Variants in DLG2 observed in about 807,000 individuals in gnomAD.
The protein encoded by DLG2 is disks large homolog 2.
A neutral mutation model predicts 132.5 loss-of-function variants in DLG2; 45 were observed. That is an observed-to-expected ratio of 0.34 (90% CI 0.27 to 0.44). The LOEUF is 0.44. DLG2 is among the 20% of genes least tolerant of loss of function. DLG2 has a pLI of 1.00. For missense variants in DLG2, 1,045 were observed against 1,196.9 expected, an observed-to-expected ratio of 0.87 and a Z score of 1.87; for synonymous variants, 424 against 419.6, an observed-to-expected ratio of 1.01 and a Z score of -0.13.
At chr11:84,060,628 C>T (rs1390657847) in intron 10 of DLG2, among the ~76,000 whole-genome samples, 2 of 151,634 alleles carry the variant, frequency 1.3e-5, no homozygotes, top group Non-Finnish European at 2.9e-5. Flanking sequence ...TGGCCATCGA[C>T]TCCAAATATA....
At chr11:84,796,018 C>T (rs892603751) in intron 6 of DLG2, among the ~76,000 whole-genome samples, 3 of 152,176 alleles carry the variant, frequency 2.0e-5, no homozygotes, top group Admixed American at 6.5e-5. Flanking sequence ...CAACCTGGCT[C>T]AAGTGCAGCC....
chr11:84,012,302 C>G (rs2094931240), intron 11 of DLG2, among the ~76,000 whole-genome samples: 1 of 152,136 alleles, frequency 6.6e-6, no homozygotes, highest in African/African-American at 2.4e-5. Flanking sequence ...ATTTGTAAGA[C>G]AGAAGAAATA....
At chr11:84,400,042 G>T (rs764622682) in intron 7 of DLG2, among the ~76,000 whole-genome samples, 1 of 152,154 alleles carries the variant, frequency 6.6e-6, no homozygotes, top group Non-Finnish European at 1.5e-5. Context: ...TGAAAATTCT[G>T]CTGTGTTTAC....
chr11:85,489,244 C>A (rs929690372), intron 3 of DLG2, among the ~76,000 whole-genome samples: 86 of 151,882 alleles, frequency 5.7e-4, no homozygotes, highest in African/African-American at 1.9e-3. Context: ...TCCACACAAA[C>A]AAAAACCAAA....
intron 3 of DLG2, among the ~76,000 whole-genome samples, chr11:85,289,809 C>T (rs2078781679): frequency 6.6e-6 from 1 of 152,112 alleles, no homozygotes; most frequent in Non-Finnish European, 1.5e-5. Flanking sequence ...ATCCTGTATC[C>T]AAATCCCATA....
At chr11:84,428,078 T>G (rs1428038709) in intron 7 of DLG2, among the ~76,000 whole-genome samples, 2 of 152,200 alleles carry the variant, frequency 1.3e-5, no homozygotes, top group Non-Finnish European at 2.9e-5. Flanking sequence ...TGCATTCATT[T>G]TGCCTCCTCT....
intron 6 of DLG2, among the ~76,000 whole-genome samples, chr11:85,100,448 A>G (rs1021490728): frequency 3.9e-5 from 6 of 152,158 alleles, no homozygotes; most frequent in Non-Finnish European, 7.4e-5. Context: ...GAAAGGTCAT[A>G]TGGCTGGTGA....
At chr11:84,921,271 T>C (rs2092744821) in intron 6 of DLG2, among the ~76,000 whole-genome samples, 1 of 152,068 alleles carries the variant, frequency 6.6e-6, no homozygotes, top group Non-Finnish European at 1.5e-5. Flanking sequence ...AAGAGCTAAT[T>C]ACTGAAAAGG....
chr11:84,444,011 T>TG (rs1349871535), intron 7 of DLG2, among the ~76,000 whole-genome samples: 3 of 148,608 alleles, frequency 2.0e-5, no homozygotes, highest in Non-Finnish European at 4.5e-5. Flanking sequence ...TCTCCAAAGT[T>TG]TTTTTTTTTT....
intron 3 of DLG2, among the ~76,000 whole-genome samples, chr11:85,286,398 A>C (rs1464054470): frequency 6.6e-6 from 1 of 152,102 alleles, no homozygotes; most frequent in Non-Finnish European, 1.5e-5. Flanking sequence ...ATATAAGAAT[A>C]TTTACAGACA....
intron 6 of DLG2, among the ~76,000 whole-genome samples, chr11:85,040,435 G>A (rs569507503): frequency 6.6e-6 from 1 of 152,000 alleles, no homozygotes; most frequent in African/African-American, 2.4e-5. Context: ...ATCTACTCAT[G>A]GCATGATGAT....
intron 3 of DLG2, among the ~76,000 whole-genome samples, chr11:85,505,085 T>G (rs184635666): frequency 4.5e-4 from 69 of 152,350 alleles, no homozygotes; most frequent in African/African-American, 1.5e-3. Context: ...CCTGAGACTT[T>G]GCTGAATTTG....
At chr11:85,180,570 T>G (rs888068984) in intron 4 of DLG2, among the ~76,000 whole-genome samples, 16 of 151,872 alleles carry the variant, frequency 1.1e-4, no homozygotes, top group Admixed American at 3.9e-4. Context: ...CCCTTTTGTG[T>G]TAGTTTCAGG....
At chr11:85,605,265 C>G (rs527918960) in intron 2 of DLG2, among the ~76,000 whole-genome samples, 8 of 152,264 alleles carry the variant, frequency 5.3e-5, no homozygotes, top group Admixed American at 3.3e-4. Context: ...AATCCAAAAG[C>G]TTTTGATTCC....
At chr11:85,387,234 C>T (rs1479801017) in intron 3 of DLG2, among the ~76,000 whole-genome samples, 1 of 152,124 alleles carries the variant, frequency 6.6e-6, no homozygotes. Flanking sequence ...TTCCAGTGCA[C>T]ACCAATTATT....
intron 9 of DLG2, among the ~76,000 whole-genome samples, chr11:84,145,075 T>A (rs2095024861): frequency 6.6e-6 from 1 of 152,172 alleles, no homozygotes; most frequent in African/African-American, 2.4e-5. Flanking sequence ...TCTTGCCAAA[T>A]CTCCTTAGCC....
chr11:85,172,010 G>T (rs2078911243), intron 4 of DLG2, among the ~76,000 whole-genome samples: 1 of 152,216 alleles, frequency 6.6e-6, no homozygotes, highest in South Asian at 2.1e-4. Context: ...GGTTCAGCTG[G>T]CTTAGATGTT....
chr11:85,060,524 T>C (rs558235866), intron 6 of DLG2, among the ~76,000 whole-genome samples: 1 of 151,024 alleles, frequency 6.6e-6, no homozygotes, highest in Non-Finnish European at 1.5e-5. Flanking sequence ...TGTGTATACA[T>C]GTATTTATAT....
At chr11:84,003,000 A>G (rs2094427418) in intron 11 of DLG2, among the ~76,000 whole-genome samples, 1 of 152,176 alleles carries the variant, frequency 6.6e-6, no homozygotes, top group Non-Finnish European at 1.5e-5. Flanking sequence ...CCAGGTCACA[A>G]CTTGAACACT....
Sources: allele counts gnomAD v4.1 joint callset (sites outside exome capture counted in the v4.1 genomes callset), GRCh38; gene constraint gnomAD v4.1.1; transcripts MANE v1.5; gene names NCBI Gene and HGNC (gene_info 2026-07-23, HGNC 2026-07-21).